Variants in COPS2 observed in about 807,000 individuals in gnomAD.
The protein encoded by COPS2 is COP9 signalosome subunit 2.
A neutral mutation model predicts 66.1 loss-of-function variants in COPS2; 10 were observed. The observed-to-expected ratio is 0.15, with a 90% CI of 0.09 to 0.26. The LOEUF is 0.26. Among genes scored for constraint, COPS2 ranks in the 10% least tolerant of loss-of-function variants. The pLI is 1.00. For synonymous variants in COPS2, 179 were observed against 171.3 expected (o/e 1.04, Z -0.35); for missense variants, 215 against 513.3 (o/e 0.42, Z 5.62).
chr15:49,132,694 CTTTT>C (rs1433324736), intron 9 of COPS2, among the ~76,000 whole-genome samples: 1 of 149,030 alleles, frequency 6.7e-6, no homozygotes, highest in Non-Finnish European at 1.5e-5. Context: ...ATTTCTTATA[CTTTT>C]TTAATGAATA....
Position 49,145,070 on chromosome 15 carries a change from A to C in COPS2, c.63T>G (p.Ser21=). ...CATTTGGCTCGGAGTTACTATCTTCAGAGTATTCCTGTGTTGGAAAGAAAG... is the reference window on the plus strand; with the variant it reads ...CATTTGGCTCGGAGTTACTATCTTCCGAGTATTCCTGTGTTGGAAAGAAAG... ...DDEEDYDLEY[S]EDSNSEPNVD... The change falls in exon 2 of 13, where the codon TCT becomes TCG. Residue 21 remains serine, a synonymous_variant. Transcript: ENST00000388901. The C allele has an allele frequency of 6.7e-7, 1 of 1,500,428 alleles. No individual in the cohort carries two copies. The highest frequency in any genetic ancestry group is 9.1e-7 in the Non-Finnish European group (1 of 1,098,536). 92.9% of individuals were successfully genotyped at this position (1,500,428 alleles called of 1,614,324 possible).
rs2084170766 is a variant in COPS2 at position 49,126,810 on chromosome 15, A to T, written c.*1140T>A. ...TTAGGTGGAAGTTTTGGAAACTTTCATTTGGTGCCAAGTAATGGTAACTAA... is the reference window on the plus strand; with the variant it reads ...TTAGGTGGAAGTTTTGGAAACTTTCTTTTGGTGCCAAGTAATGGTAACTAA... On this transcript the variant is annotated 3_prime_UTR_variant, in exon 13 of 13. Transcript: ENST00000388901. The T allele has an allele frequency of 1.3e-5, 2 of 152,134 alleles. No homozygotes were observed. Among genetic ancestry groups the T allele is most frequent in the Admixed American group, 1.3e-4 (2 of 15,264 alleles). 9.4% of individuals were successfully genotyped at this position (152,134 alleles called of 1,614,324 possible). A position where few individuals can be genotyped will look rare whatever the true frequency, so the allele number is the denominator to read the frequency against.
chr15:49,139,768 T>C (rs988688066), intron 3 of COPS2, 115 bp from the exon 4 acceptor site: 1 of 730,252 alleles, frequency 1.4e-6, no homozygotes, highest in Non-Finnish European at 2.2e-6. Flanking sequence ...ATATAGTTCC[T>C]GATATAGTTT....
chr15:49,142,415 G>A (rs528823922), intron 3 of COPS2, among the ~76,000 whole-genome samples: 1 of 152,182 alleles, frequency 6.6e-6, no homozygotes, highest in African/African-American at 2.4e-5. Context: ...ACCTCAAAAA[G>A]AAGAGGTACA....
chr15:49,128,033 C>T lies in COPS2; in HGVS notation c.1249G>A (p.Gly417Ser). The T allele has an allele frequency of 6.2e-7, 1 of 1,613,826 alleles. No individual in the cohort carries two copies. Among genetic ancestry groups the T allele is most frequent in the Non-Finnish European group, 8.5e-7 (1 of 1,179,824 alleles). Reference sequence around the variant, plus strand: ...TCTAGTGCAGTATATCGTGCACCACCCCTCTTCTGATGATCCAGTTCAAGG... The same window carrying T: ...TCTAGTGCAGTATATCGTGCACCACTCCTCTTCTGATGATCCAGTTCAAGG... ...QLLELDHQKR[G>S]GARYTALDKW... The change falls in exon 13 of 13, where the codon GGT (glycine) becomes AGT (serine). Residue 417 changes from glycine (G) to serine (S), a missense_variant. Transcript: ENST00000388901.
chr15:49,136,981 A>T (rs1451159530), intron 6 of COPS2, among the ~76,000 whole-genome samples, 169 bp downstream of exon 6: 1 of 149,960 alleles, frequency 6.7e-6, no homozygotes, highest in Non-Finnish European at 1.5e-5. Context: ...ACAGAGCCAT[A>T]CCCTCTCTCT....
chr15:49,129,758 C>T (rs1351465327), intron 10 of COPS2, among the ~76,000 whole-genome samples, 199 bp from the exon 11 acceptor site: 1 of 151,996 alleles, frequency 6.6e-6, no homozygotes, highest in Non-Finnish European at 1.5e-5. Flanking sequence ...TTCTTGTTCC[C>T]ACCTCCTTGA....
At chr15:49,141,884 GCA>G (rs2084291942) in intron 3 of COPS2, among the ~76,000 whole-genome samples, 1 of 152,314 alleles carries the variant, frequency 6.6e-6, no homozygotes, top group African/African-American at 2.4e-5. Flanking sequence ...CTTAAGGGTA[GCA>G]CAGTGTTCAA....
intron 1 of COPS2, 131 bp from the exon 2 acceptor site, chr15:49,145,209 C>T (rs969618310): frequency 4.1e-6 from 2 of 482,556 alleles, no homozygotes; most frequent in Non-Finnish European, 7.2e-6. Context: ...TGAATACATA[C>T]GTAAAATGCC....
At chr15:49,137,744 T>C (rs935562566) in intron 4 of COPS2, 1 of 209,698 alleles carries the variant, frequency 4.8e-6, no homozygotes, top group African/African-American at 2.3e-5. Context: ...ATACATTCTG[T>C]ATTTTATTTT....
intron 1 of COPS2, among the ~76,000 whole-genome samples, chr15:49,148,294 G>GTAATA (rs60767317): frequency 0.026 from 3,928 of 151,872 alleles, 168 homozygotes; most frequent in African/African-American, 0.09. Context: ...AAACAAAACC[G>GTAATA]TAATATAATA....
At chr15:49,132,151 T>C (rs1229978501) in intron 9 of COPS2, among the ~76,000 whole-genome samples, 8 of 152,162 alleles carry the variant, frequency 5.3e-5, no homozygotes, top group Admixed American at 4.6e-4. Context: ...TTTAACATTA[T>C]AAACAACTTT....
chr15:49,136,751 G>A (rs1025542677), intron 6 of COPS2, among the ~76,000 whole-genome samples: 17 of 152,068 alleles, frequency 1.1e-4, no homozygotes, highest in Admixed American at 4.6e-4. Flanking sequence ...CACTTTGGGT[G>A]GCCGAGGCGG....
chr15:49,154,036 T>A (rs759788047), intron 1 of COPS2, among the ~76,000 whole-genome samples: 4 of 152,172 alleles, frequency 2.6e-5, no homozygotes, highest in Non-Finnish European at 5.9e-5. Flanking sequence ...GAGATGACTT[T>A]AAATATTCCC....
At position 49,126,602 on chromosome 15, in the gene COPS2, T is replaced by A. The variant is rs1382701075; in HGVS notation, c.*1348A>T. On this transcript the variant is annotated 3_prime_UTR_variant, in exon 13 of 13. Transcript: ENST00000388901. ...ACACTATAAAATAATGTGAACTTTT[T>A]AAAAAATGAAACAAATACATCCAAA... is the stretch of plus-strand genomic sequence containing the variant. 4 of 152,348 alleles carry A rather than the reference T, an allele frequency of 2.6e-5. No homozygotes were observed. Among genetic ancestry groups the A allele is most frequent in the Non-Finnish European group, 4.4e-5 (3 of 67,942 alleles). The allele number at this position is 152,348 out of a possible 1,614,324, so 9.4% of individuals were successfully genotyped here. A position where few individuals can be genotyped will look rare whatever the true frequency, so the allele number is the denominator to read the frequency against.
intron 1 of COPS2, among the ~76,000 whole-genome samples, chr15:49,154,093 C>T (rs1444836057): frequency 6.6e-6 from 1 of 152,024 alleles, no homozygotes; most frequent in East Asian, 1.9e-4. Flanking sequence ...ATCCTAAATA[C>T]CGACTTGATC....
chr15:49,133,046 T>C (rs900346310), intron 9 of COPS2, among the ~76,000 whole-genome samples: 9 of 151,160 alleles, frequency 6.0e-5, no homozygotes. Context: ...TGGAGTTCTG[T>C]GGCGCAATCT....
In COPS2 at chr15:49,126,686, T is replaced by C. The variant is rs1432124741; in HGVS notation, c.*1264A>G. The stretch of plus-strand genomic sequence containing the variant: ...AGGTAGTTACCTTGGAAGGCCACAG[T>C]TCATTCTCCTAAGTATACTGCCACT... On this transcript the variant is annotated 3_prime_UTR_variant, in exon 13 of 13. Transcript: ENST00000388901. 1 of 152,084 alleles carries C rather than the reference T, an allele frequency of 6.6e-6. No homozygotes were observed. Among genetic ancestry groups the C allele is most frequent in the Non-Finnish European group, 1.5e-5 (1 of 67,942 alleles). The allele number at this position is 152,084 out of a possible 1,614,324, so 9.4% of individuals were successfully genotyped here. A position where few individuals can be genotyped will look rare whatever the true frequency, so the allele number is the denominator to read the frequency against.
intron 6 of COPS2, among the ~76,000 whole-genome samples, chr15:49,135,592 A>G (rs189846445): frequency 1.3e-5 from 2 of 152,322 alleles, no homozygotes; most frequent in Admixed American, 1.3e-4. Flanking sequence ...ATGACTTTAA[A>G]GTTGACCAAC....
Sources: gnomAD v4.1 joint callset for allele counts (sites outside exome capture counted in the v4.1 genomes callset) on GRCh38, gnomAD v4.1.1 for gene constraint, MANE v1.5 for transcripts, NCBI Gene and HGNC (gene_info 2026-07-23, HGNC 2026-07-21) for gene names.